The following RAD51B variants were observed in gnomAD, a reference collection of about 807,000 sequenced individuals.
RAD51B encodes the protein RAD51 paralog B.
A neutral mutation model predicts 42.2 loss-of-function variants in RAD51B; 38 were observed. The ratio of observed to expected loss-of-function variants is 0.90; its 90% CI spans 0.70 to 1.18. The LOEUF is 1.18. Ranked by LOEUF, RAD51B falls within the 50% of genes most tolerant of loss-of-function variation. The pLI, the probability that RAD51B is intolerant of heterozygous loss-of-function variation, is 0.00. For synonymous variants in RAD51B, 154 were observed against 145.2 expected (o/e 1.06, Z -0.43); for missense variants, 373 against 400.7 (o/e 0.93, Z 0.59).
chr14:68,310,028 G>A (rs551451786), intron 8 of RAD51B, among the ~76,000 whole-genome samples: 1 of 152,294 alleles, frequency 6.6e-6, no homozygotes, highest in Admixed American at 6.5e-5. Flanking sequence ...TTTGATTCAG[G>A]TTTTTTTATG....
intron 11 of RAD51B, among the ~76,000 whole-genome samples, chr14:68,682,503 T>C (rs1893452601): frequency 6.6e-6 from 1 of 152,204 alleles, no homozygotes; most frequent in South Asian, 2.1e-4. Context: ...GAACATAACC[T>C]TCCTCATTAG....
intron 7 of RAD51B, among the ~76,000 whole-genome samples, chr14:68,049,619 G>T (rs1250417655): frequency 6.6e-6 from 1 of 152,104 alleles, no homozygotes; most frequent in Non-Finnish European, 1.5e-5. Context: ...AGGGCTCCTG[G>T]TCTCCTTGGA....
At chr14:68,483,272 CCTT>C (rs1298268262) in intron 10 of RAD51B, among the ~76,000 whole-genome samples, 8 of 152,170 alleles carry the variant, frequency 5.3e-5, no homozygotes, top group Admixed American at 1.3e-4. Flanking sequence ...GCAAATGTTT[CCTT>C]CTTCCATATT....
At chr14:68,332,304 C>G (rs1357001375) in intron 8 of RAD51B, among the ~76,000 whole-genome samples, 1 of 152,182 alleles carries the variant, frequency 6.6e-6, no homozygotes. Context: ...GATACACACA[C>G]ACACACATGT....
At chr14:67,820,731 A>G (rs1184005118) in intron 1 of RAD51B, among the ~76,000 whole-genome samples, 1 of 152,168 alleles carries the variant, frequency 6.6e-6, no homozygotes, top group African/African-American at 2.4e-5. Flanking sequence ...TACACATACC[A>G]TGTGGCTGGA....
chr14:67,902,323 A>G (rs188474601), intron 7 of RAD51B, among the ~76,000 whole-genome samples: 2 of 152,246 alleles, frequency 1.3e-5, no homozygotes, highest in East Asian at 1.9e-4. Flanking sequence ...ATATTTATCT[A>G]TATTTCTGAA....
chr14:68,199,111 A>G (rs1483902311), intron 7 of RAD51B, among the ~76,000 whole-genome samples: 1 of 152,146 alleles, frequency 6.6e-6, no homozygotes, highest in Non-Finnish European at 1.5e-5. Context: ...CTCGCATGAC[A>G]TGATTTTTGT....
At chr14:67,897,581 G>A (rs188202313) in intron 7 of RAD51B, among the ~76,000 whole-genome samples, 222 of 151,098 alleles carry the variant, frequency 1.5e-3, no homozygotes, top group Non-Finnish European at 1.9e-3. Context: ...GCTTAATACG[G>A]TTATTATTTA....
chr14:67,821,992 C>A (rs1288790364), intron 1 of RAD51B, among the ~76,000 whole-genome samples: 1 of 149,968 alleles, frequency 6.7e-6, no homozygotes, highest in Non-Finnish European at 1.5e-5. Flanking sequence ...ATTGTGTGTG[C>A]GTGTGTGTGT....
intron 7 of RAD51B, among the ~76,000 whole-genome samples, chr14:68,185,336 A>G (rs1595523870): frequency 6.6e-6 from 1 of 152,330 alleles, no homozygotes; most frequent in East Asian, 1.9e-4. Flanking sequence ...GTGGAGTGGC[A>G]TGCAAATTCT....
At chr14:68,252,390 T>C (rs1309480297) in intron 7 of RAD51B, among the ~76,000 whole-genome samples, 1 of 152,216 alleles carries the variant, frequency 6.6e-6, no homozygotes, top group Non-Finnish European at 1.5e-5. Context: ...TATTTTTGAA[T>C]TGACATTTAA....
intron 7 of RAD51B, among the ~76,000 whole-genome samples, chr14:68,073,679 T>A (rs1396725002): frequency 6.6e-6 from 1 of 152,320 alleles, no homozygotes; most frequent in East Asian, 1.9e-4. Flanking sequence ...ATTTCTGTAG[T>A]ACTCCCTTAA....
intron 8 of RAD51B, among the ~76,000 whole-genome samples, chr14:68,359,676 T>A (rs2082980891): frequency 6.6e-6 from 1 of 152,198 alleles, no homozygotes; most frequent in South Asian, 2.1e-4. Flanking sequence ...TCCTCTTGGC[T>A]ACCTCAAAGG....
At chr14:68,433,590 A>G (rs2085069198) in intron 9 of RAD51B, among the ~76,000 whole-genome samples, 2 of 152,126 alleles carry the variant, frequency 1.3e-5, no homozygotes, top group Non-Finnish European at 2.9e-5. Context: ...CATGGTTCTC[A>G]GCTCCATCAG....
In RAD51B at chr14:68,082,472, GAT is replaced by G. The variant is rs35806526; in HGVS notation, c.756+195283_756+195284del. Among the ~76,000 whole-genome samples the G allele has an allele frequency of 3.6e-3, 534 of 149,292 alleles. 3 individuals carry two copies. Among genetic ancestry groups the G allele is most frequent in the African/African-American group, 0.011 (453 of 40,708 alleles). On this transcript the variant is annotated intron_variant, in intron 7 of 10. Transcript: ENST00000471583. ...AAATATTTGATATGCATAGGAGAAAGATATATATATATATATGTATTTATGTA... is the reference window on the plus strand; with the variant it reads ...AAATATTTGATATGCATAGGAGAAAGATATATATATATATGTATTTATGTA...
intron 3 of RAD51B, among the ~76,000 whole-genome samples, chr14:67,832,048 A>G (rs1033347709): frequency 6.6e-6 from 1 of 152,244 alleles, no homozygotes; most frequent in Non-Finnish European, 1.5e-5. Flanking sequence ...ATATCAAAAA[A>G]TTGGAAACAA....
At chr14:68,008,136 A>AT (rs34502981) in intron 7 of RAD51B, among the ~76,000 whole-genome samples, 1 of 151,730 alleles carries the variant, frequency 6.6e-6, no homozygotes, top group African/African-American at 2.4e-5. Flanking sequence ...ACTTCTTGGA[A>AT]TTTTTTCTGA....
intron 7 of RAD51B, among the ~76,000 whole-genome samples, chr14:68,116,246 T>G (rs2077545683): frequency 2.0e-5 from 3 of 151,480 alleles, no homozygotes; most frequent in Non-Finnish European, 1.5e-5. Flanking sequence ...ATTAGGGAAC[T>G]GCAAGACTAA....
intron 7 of RAD51B, among the ~76,000 whole-genome samples, chr14:68,058,672 C>T (rs1031895400): frequency 1.1e-4 from 16 of 152,132 alleles, no homozygotes; most frequent in Non-Finnish European, 2.1e-4. Context: ...TATTGCTGGA[C>T]ATTTAAGTTA....
Sources: gnomAD v4.1 joint callset for allele counts (sites outside exome capture counted in the v4.1 genomes callset) on GRCh38, gnomAD v4.1.1 for gene constraint, MANE v1.5 for transcripts, NCBI Gene and HGNC (gene_info 2026-07-23, HGNC 2026-07-21) for gene names.